Variants in GSE1 observed in about 807,000 individuals in gnomAD.
GSE1 encodes Gse1 coiled-coil protein, also known as genetic suppressor element 1.
In GSE1, 32 loss-of-function variants were observed where a neutral mutation model predicts 112.6. The ratio of observed to expected loss-of-function variants is 0.28; its 90% CI spans 0.21 to 0.38. GSE1 has a LOEUF of 0.38. GSE1 is among the 10% of genes least tolerant of loss of function. The pLI, the probability that GSE1 is intolerant of heterozygous loss-of-function variation, is 1.00. For synonymous variants in GSE1, 1,115 were observed against 735.6 expected (o/e 1.52, Z -8.35); for missense variants, 2,348 against 1,699.2 (o/e 1.38, Z -6.71).
At chr16:85,656,090 T>G (rs547501554) in intron 6 of GSE1, among the ~76,000 whole-genome samples, 173 bp downstream of exon 6, 1 of 152,152 alleles carries the variant, frequency 6.6e-6, no homozygotes, top group East Asian at 1.9e-4. Context: ...AAATAGCGCC[T>G]GTCTCGGTAG....
intron 1 of GSE1, among the ~76,000 whole-genome samples, chr16:85,601,576 C>T (rs186530365): frequency 2.6e-5 from 4 of 152,220 alleles, no homozygotes; most frequent in African/African-American, 7.2e-5. Flanking sequence ...AGCGCGGGGC[C>T]GGCAGACACC....
intron 1 of GSE1, among the ~76,000 whole-genome samples, chr16:85,578,554 T>G (rs2046324670): frequency 6.6e-6 from 1 of 152,240 alleles, no homozygotes; most frequent in African/African-American, 2.4e-5. Context: ...GTTTTTATTT[T>G]GCAGGGAGGA....
intron 1 of GSE1, among the ~76,000 whole-genome samples, chr16:85,320,207 T>C (rs1450009550): frequency 6.6e-6 from 1 of 152,164 alleles, no homozygotes; most frequent in African/African-American, 2.4e-5. Flanking sequence ...TGGGCAGCCG[T>C]GGCCCCACCC....
intron 1 of GSE1, among the ~76,000 whole-genome samples, chr16:85,226,572 G>A (rs1020418759): frequency 1.3e-4 from 20 of 152,198 alleles, no homozygotes; most frequent in African/African-American, 4.6e-4. Context: ...GGCATCTTAC[G>A]TCCTTGGGCC....
chr16:85,252,913 G>A (rs1906640673), intron 1 of GSE1, among the ~76,000 whole-genome samples: 1 of 152,176 alleles, frequency 6.6e-6, no homozygotes, highest in African/African-American at 2.4e-5. Flanking sequence ...TCCCTTGCAG[G>A]GGCCTTCGTG....
intron 2 of GSE1, among the ~76,000 whole-genome samples, chr16:85,397,695 G>A (rs939801114): frequency 5.9e-5 from 9 of 152,226 alleles, no homozygotes; most frequent in Non-Finnish European, 8.8e-5. Context: ...TGGAGGACGC[G>A]CGTCAGCCTC....
Position 85,654,935 on chromosome 16 carries a change from A to G in GSE1, c.741A>G (p.Ala247=), listed in dbSNP as rs1263724647. The change falls in exon 5 of 16, where the codon GCA becomes GCG. Residue 247 remains alanine (A), a synonymous_variant. Coordinates refer to ENST00000253458, the MANE Select transcript of GSE1 (RefSeq NM_014615.5). ...PPLGLDPATA[A]AYYHPSYLAP... ...TCGGCCTGGACCCGGCCACTGCTGC[A>G]GCCTACTACCACCCCAGCTACCTGG... The G allele has an allele frequency of 1.2e-6, 2 of 1,610,388 alleles. No homozygotes were observed. The highest frequency in any genetic ancestry group is 2.7e-5 in the African/African-American group (2 of 74,788).
chr16:85,320,219 G>T (rs1404099126), intron 1 of GSE1, among the ~76,000 whole-genome samples: 1 of 152,216 alleles, frequency 6.6e-6, no homozygotes, highest in Non-Finnish European at 1.5e-5. Context: ...GCCCCACCCA[G>T]CAGGGCCCTG....
chr16:85,204,517 C>A (rs990411024), intron 1 of GSE1, among the ~76,000 whole-genome samples: 5 of 152,204 alleles, frequency 3.3e-5, no homozygotes, highest in Admixed American at 2.6e-4. Context: ...CTGTGTTTAA[C>A]TTTTTGAGGA....
intron 1 of GSE1, among the ~76,000 whole-genome samples, chr16:85,624,179 C>T (rs577020775): frequency 6.6e-6 from 1 of 152,338 alleles, no homozygotes. Context: ...TCAGTGCCCG[C>T]CCTGGGGTGG....
chr16:85,661,545 G>C lies in GSE1; in HGVS notation c.2040G>C (p.Lys680Asn). ...GPGPFLAELEKSTQTILGQQR... is the reference protein window; with the variant it reads ...GPGPFLAELENSTQTILGQQR... Reference sequence around the variant, plus strand: ...GGCCCTTCCTGGCTGAGCTCGAGAAGTCCACCCAGACCATCCTGGGCCAGC... The same window carrying C: ...GGCCCTTCCTGGCTGAGCTCGAGAACTCCACCCAGACCATCCTGGGCCAGC... Residue 680 changes from lysine to asparagine, a missense_variant, in exon 9 of 16, where the codon AAG (lysine) becomes AAC (asparagine). Lys to Asn is a moderately conservative substitution (Grantham distance 94). Coordinates refer to ENST00000253458, the MANE Select transcript of GSE1 (RefSeq NM_014615.5). 1 of 1,612,020 alleles carries C rather than the reference G, an allele frequency of 6.2e-7. No homozygotes were observed. The highest frequency in any genetic ancestry group is 8.5e-7 in the Non-Finnish European group (1 of 1,179,722).
At chr16:85,292,164 A>G (rs2045236724) in intron 1 of GSE1, among the ~76,000 whole-genome samples, 1 of 148,196 alleles carries the variant, frequency 6.7e-6, no homozygotes, top group African/African-American at 2.5e-5. Context: ...TTTTTGAGGC[A>G]GGGTCTCACT....
chr16:85,366,453 T>C lies in GSE1; in HGVS notation c.2464+8810T>C, dbSNP rs144412828. On this transcript the variant is annotated intron_variant, in intron 2 of 2. Transcript: ENST00000637419. ...CTCCACGACCAATCTATTTATCTTC[T>C]CTGGAACTTCTTGTAATGCCGGGAG... is the stretch of plus-strand genomic sequence containing the variant. Among the ~76,000 whole-genome samples the C allele has an allele frequency of 7.7e-4, 117 of 152,388 alleles. 1 individual carries two copies. Among genetic ancestry groups the C allele is most frequent in the African/African-American group, 2.6e-3 (107 of 41,592 alleles).
chr16:85,194,702 C>A (rs1369164046), intron 1 of GSE1, among the ~76,000 whole-genome samples: 2 of 152,158 alleles, frequency 1.3e-5, no homozygotes, highest in Non-Finnish European at 2.9e-5. Flanking sequence ...TTATCAGTGC[C>A]TTTAATGCAC....
chr16:85,259,211 C>T (rs937400878), intron 1 of GSE1, among the ~76,000 whole-genome samples: 2 of 152,130 alleles, frequency 1.3e-5, no homozygotes, highest in African/African-American at 2.4e-5. Flanking sequence ...CAAGGAACCC[C>T]GGTTGCCTCC....
chr16:85,278,628 C>G (rs1295800319), intron 1 of GSE1, among the ~76,000 whole-genome samples: 1 of 152,180 alleles, frequency 6.6e-6, no homozygotes, highest in Non-Finnish European at 1.5e-5. Flanking sequence ...AATTCTGATA[C>G]AAGTAAGTGT....
At chr16:85,310,979 A>C (rs111768859) in intron 1 of GSE1, among the ~76,000 whole-genome samples, 1 of 152,196 alleles carries the variant, frequency 6.6e-6, no homozygotes, top group Non-Finnish European at 1.5e-5. Context: ...TCCTTCAGCA[A>C]CCGGCAGGCA....
At chr16:85,174,765 C>T (rs1464487558) in intron 1 of GSE1, among the ~76,000 whole-genome samples, 1 of 152,204 alleles carries the variant, frequency 6.6e-6, no homozygotes, top group Non-Finnish European at 1.5e-5. Context: ...GCGAAGGTGA[C>T]ACTTGCAGGA....
intron 1 of GSE1, among the ~76,000 whole-genome samples, chr16:85,287,252 G>A (rs2045060074): frequency 6.6e-6 from 1 of 152,222 alleles, no homozygotes; most frequent in South Asian, 2.1e-4. Flanking sequence ...GGGCTTGGAG[G>A]CCTGAGCTCC....
Sources: gnomAD v4.1 joint callset for allele counts (sites outside exome capture counted in the v4.1 genomes callset) on GRCh38, gnomAD v4.1.1 for gene constraint, MANE v1.5 for transcripts, NCBI Gene and HGNC (gene_info 2026-07-23, HGNC 2026-07-21) for gene names.